IL1RAPL1: variants seen among roughly 807,000 people sequenced by gnomAD.
IL1RAPL1 encodes the protein interleukin-1 receptor accessory protein-like 1.
Under a neutral mutation model 48.4 loss-of-function variants are expected in IL1RAPL1, and 3 were observed. The observed-to-expected ratio is 0.06, with a 90% confidence interval of 0.03 to 0.16. The LOEUF (loss-of-function observed/expected upper bound fraction) is 0.16, where lower values mean the gene tolerates loss of function less well. IL1RAPL1 is among the 10% of genes least tolerant of loss of function. The pLI, the probability that IL1RAPL1 is intolerant of heterozygous loss-of-function variation, is 1.00. For missense variants in IL1RAPL1, 349 were observed against 530.6 expected, an observed-to-expected ratio of 0.66 and a Z score of 3.36; for synonymous variants, 185 against 187.7, an observed-to-expected ratio of 0.99 and a Z score of 0.12.
Position 29,439,851 on chromosome X carries a change from G to GTTTTTT in IL1RAPL1, c.703+40558_703+40563dup, listed in dbSNP as rs760458968. ...CCAGGCTGTATTATTTGTTTGTTTG[G>GTTTTTT]TTTTTTTTTTTTTTTTTTTTGGTTT... On this transcript the variant is annotated intron_variant, in intron 5 of 10. Coordinates refer to ENST00000378993, the MANE Select transcript of IL1RAPL1 (RefSeq NM_014271.4). 1.2e-4 allele frequency among the ~76,000 whole-genome samples: 7 copies of GTTTTTT among 59,862 alleles called. 2 individuals carry two copies. Among genetic ancestry groups the GTTTTTT allele is most frequent in the Non-Finnish European group, 1.4e-4 (5 of 34,537 alleles). 52.0% of individuals were successfully genotyped at this position (59,862 alleles called of 115,157 possible).
chrX:29,358,799 A>C (rs1297090615), intron 3 of IL1RAPL1, among the ~76,000 whole-genome samples: 1 of 110,805 alleles, frequency 9.0e-6, no homozygotes, highest in Non-Finnish European at 1.9e-5. Context: ...CAGGTGGATC[A>C]TTTGAGGTCA....
chrX:28,980,330 C>T (rs1925299848), intron 2 of IL1RAPL1, among the ~76,000 whole-genome samples: 1 of 112,408 alleles, frequency 8.9e-6, no homozygotes, highest in Admixed American at 9.4e-5. Flanking sequence ...ATCATATTCC[C>T]ACTCCATTAA....
intron 2 of IL1RAPL1, among the ~76,000 whole-genome samples, chrX:28,989,969 C>A (rs924338302): frequency 1.8e-5 from 2 of 111,646 alleles, no homozygotes; most frequent in Non-Finnish European, 3.8e-5. Flanking sequence ...GTTTGCAGTA[C>A]TTTCAAGACA....
At chrX:28,974,504 C>T (rs1195641517) in intron 2 of IL1RAPL1, among the ~76,000 whole-genome samples, 1 of 112,027 alleles carries the variant, frequency 8.9e-6, no homozygotes, top group Non-Finnish European at 1.9e-5. Flanking sequence ...CAAGAAACCT[C>T]TGTTAATCTG....
At chrX:28,848,829 C>T (rs188830566) in intron 2 of IL1RAPL1, among the ~76,000 whole-genome samples, 1 of 111,865 alleles carries the variant, frequency 8.9e-6, no homozygotes, top group Non-Finnish European at 1.9e-5. Flanking sequence ...ATTTTTATAA[C>T]TGCTGACACA....
chrX:28,724,743 C>A (rs1489994424), intron 1 of IL1RAPL1, among the ~76,000 whole-genome samples: 1 of 111,042 alleles, frequency 9.0e-6, no homozygotes, highest in Non-Finnish European at 1.9e-5. Flanking sequence ...CTGGTTGTTT[C>A]TTTCCATGTT....
At chrX:29,374,022 C>T (rs1376362628) in intron 3 of IL1RAPL1, among the ~76,000 whole-genome samples, 3 of 105,649 alleles carry the variant, frequency 2.8e-5, no homozygotes, top group Non-Finnish European at 5.8e-5. Context: ...TAACGTGCTG[C>T]TGGATACAGT....
chrX:29,685,965 A>G (rs1601778580), intron 6 of IL1RAPL1, among the ~76,000 whole-genome samples: 1 of 109,868 alleles, frequency 9.1e-6, no homozygotes, highest in South Asian at 4.1e-4. Flanking sequence ...AGCCTGGGCA[A>G]TAGAGTGAGA....
intron 5 of IL1RAPL1, among the ~76,000 whole-genome samples, chrX:29,423,866 T>A (rs978142779): frequency 8.9e-6 from 1 of 112,116 alleles, no homozygotes; most frequent in Non-Finnish European, 1.9e-5. Flanking sequence ...TGTACTTCAA[T>A]TTGATAGACA....
At chrX:29,703,519 T>C (rs1927109969) in intron 6 of IL1RAPL1, among the ~76,000 whole-genome samples, 2 of 110,584 alleles carry the variant, frequency 1.8e-5, no homozygotes, top group South Asian at 7.7e-4. Flanking sequence ...ATTTTTTGTA[T>C]TTTTTAGTAG....
At chrX:29,078,986 G>T (rs1927743387) in intron 2 of IL1RAPL1, among the ~76,000 whole-genome samples, 1 of 111,909 alleles carries the variant, frequency 8.9e-6, no homozygotes. Flanking sequence ...AAAGACATCA[G>T]AATTTAAGGG....
At chrX:28,633,129 C>T (rs1006865883) in intron 1 of IL1RAPL1, among the ~76,000 whole-genome samples, 2 of 110,969 alleles carry the variant, frequency 1.8e-5, no homozygotes, top group African/African-American at 3.3e-5. Context: ...CCTCAGGTGT[C>T]GTGCCCACCT....
intron 1 of IL1RAPL1, among the ~76,000 whole-genome samples, chrX:28,762,566 C>T (rs1046729191): frequency 2.7e-5 from 3 of 110,759 alleles, no homozygotes; most frequent in African/African-American, 9.9e-5. Context: ...TGTGTAAATA[C>T]ATACATACAC....
intron 6 of IL1RAPL1, among the ~76,000 whole-genome samples, chrX:29,709,042 C>T (rs1022361100): frequency 8.9e-6 from 1 of 111,910 alleles, no homozygotes; most frequent in African/African-American, 3.2e-5. Flanking sequence ...TGTTCAGATC[C>T]TTTGTCCATA....
intron 5 of IL1RAPL1, among the ~76,000 whole-genome samples, chrX:29,435,507 ATTG>A (rs984313131): frequency 9.0e-6 from 1 of 110,563 alleles, no homozygotes; most frequent in African/African-American, 3.3e-5. Context: ...TTGTTTTATT[ATTG>A]TTGTAGCCAT....
chrX:29,817,885 G>T (rs1381202757), intron 6 of IL1RAPL1, among the ~76,000 whole-genome samples: 1 of 111,438 alleles, frequency 9.0e-6, no homozygotes, highest in Non-Finnish European at 1.9e-5. Context: ...GCAGTCCCAG[G>T]CATCATATCT....
chrX:29,905,910 C>A (rs1170820046), intron 6 of IL1RAPL1, among the ~76,000 whole-genome samples: 2 of 111,173 alleles, frequency 1.8e-5, no homozygotes, highest in African/African-American at 6.5e-5. Context: ...CAGATTTACA[C>A]AGATTAAAGA....
intron 2 of IL1RAPL1, among the ~76,000 whole-genome samples, chrX:28,877,725 A>C (rs1922409080): frequency 8.9e-6 from 1 of 111,847 alleles, no homozygotes; most frequent in South Asian, 3.7e-4. Flanking sequence ...CCAATTGTGA[A>C]GCCAGTAATT....
At chrX:28,719,175 G>A (rs2146938814) in intron 1 of IL1RAPL1, among the ~76,000 whole-genome samples, 1 of 110,811 alleles carries the variant, frequency 9.0e-6, no homozygotes, top group Admixed American at 9.7e-5. Context: ...TTTAATACAG[G>A]TCCCTAGGTA....
Sources: allele counts gnomAD v4.1 joint callset (sites outside exome capture counted in the v4.1 genomes callset), GRCh38; gene constraint gnomAD v4.1.1; transcripts MANE v1.5; gene names NCBI Gene and HGNC (gene_info 2026-07-23, HGNC 2026-07-21).